PTPN4: variants seen among roughly 807,000 people sequenced by gnomAD.
The protein encoded by PTPN4 is tyrosine-protein phosphatase non-receptor type 4.
A neutral mutation model predicts 135.5 loss-of-function variants in PTPN4; 49 were observed. The observed-to-expected ratio is 0.36, with a 90% CI of 0.29 to 0.46. The LOEUF is 0.46. Ranked by LOEUF, PTPN4 falls within the 20% of genes least tolerant of loss-of-function variation. The probability of loss-of-function intolerance (pLI) is 1.00; values close to 1 mark genes in which losing one functional copy is unlikely to be tolerated. For synonymous variants in PTPN4, 333 were observed against 369.9 expected, an observed-to-expected ratio of 0.90 and a Z score of 1.14; for missense variants, 860 against 1,101.0, an observed-to-expected ratio of 0.78 and a Z score of 3.10.
rs1262816453 is a variant in PTPN4 at position 119,982,770 on chromosome 2, A to G, written c.*5700A>G. The stretch of plus-strand genomic sequence containing the variant: ...AGCCAGAAAACTGTGCCTAAGATTC[A>G]TTACAGTGAGTATGTGCAGAGGCCC... On this transcript the variant is annotated 3_prime_UTR_variant, in exon 27 of 27. Coordinates refer to ENST00000263708, the MANE Select transcript of PTPN4 (RefSeq NM_002830.4). 6.6e-6 allele frequency: 1 copy of G among 152,182 alleles called. No individual in the cohort carries two copies. Among genetic ancestry groups the G allele is most frequent in the Non-Finnish European group, 1.5e-5 (1 of 68,040 alleles). 9.4% of individuals were successfully genotyped at this position (152,182 alleles called of 1,614,324 possible).
At chr2:119,941,854 C>T (rs1679066420) in intron 15 of PTPN4, among the ~76,000 whole-genome samples, 1 of 152,108 alleles carries the variant, frequency 6.6e-6, no homozygotes, top group East Asian at 1.9e-4. Flanking sequence ...TTCTCAAATA[C>T]CTGTAGTCTT....
chr2:119,808,332 C>T (rs867845290), intron 1 of PTPN4, among the ~76,000 whole-genome samples: 5 of 152,164 alleles, frequency 3.3e-5, no homozygotes, highest in Admixed American at 1.3e-4. Flanking sequence ...AAAACCCCAT[C>T]ATCTCAGCCC....
chr2:119,800,462 T>C (rs1691341910), intron 1 of PTPN4, among the ~76,000 whole-genome samples: 1 of 151,782 alleles, frequency 6.6e-6, no homozygotes, highest in Non-Finnish European at 1.5e-5. Flanking sequence ...TTTTTACTGT[T>C]GAGTTCTGAG....
intron 3 of PTPN4, among the ~76,000 whole-genome samples, chr2:119,873,858 C>T (rs1677948848): frequency 6.6e-6 from 1 of 152,058 alleles, no homozygotes; most frequent in African/African-American, 2.4e-5. Context: ...GTGATATAAC[C>T]CCAATGCTCA....
intron 12 of PTPN4, among the ~76,000 whole-genome samples, chr2:119,922,502 G>C (rs1457460225): frequency 1.3e-5 from 2 of 152,164 alleles, no homozygotes; most frequent in Non-Finnish European, 2.9e-5. Flanking sequence ...CATTTCAAGT[G>C]TTAAGCCAGC....
intron 2 of PTPN4, among the ~76,000 whole-genome samples, chr2:119,827,804 T>C (rs1677166227): frequency 1.3e-5 from 2 of 152,218 alleles, no homozygotes; most frequent in South Asian, 4.1e-4. Context: ...GATTGTGTTT[T>C]TATAGGTTGT....
intron 14 of PTPN4, 93 bp downstream of exon 14, chr2:119,932,642 C>T (rs1678922912): frequency 7.3e-7 from 1 of 1,364,644 alleles, no homozygotes; most frequent in Non-Finnish European, 1.0e-6. Context: ...CAAAGATACG[C>T]AAAAATTGAA....
At chr2:119,802,566 C>A (rs1449854406) in intron 1 of PTPN4, among the ~76,000 whole-genome samples, 4 of 152,130 alleles carry the variant, frequency 2.6e-5, no homozygotes, top group Non-Finnish European at 4.4e-5. Context: ...TGAAATAAAA[C>A]CCCCTTGGTA....
rs1389607037 is a variant in PTPN4 at position 119,962,704 on chromosome 2, C to G, written c.2369C>G (p.Thr790Ser). ...ACCTGCCACTCTGAAGAAGGAAACA[C>G]TGCCTATATCTTCAGGAAGATGACC... ...QVTCHSEEGN[T>S]AYIFRKMTLF... Residue 790 changes from threonine to serine, a missense_variant, in exon 24 of 27, where the codon ACT (threonine) becomes AGT (serine). Around this residue, in one of 2 missense-constraint regions of PTPN4, gnomAD observed 176 missense variants for 294.1 expected, o/e 0.60. Transcript: ENST00000263708. 7 of 1,588,800 alleles carry G rather than the reference C, an allele frequency of 4.4e-6. No individual in the cohort carries two copies. Among genetic ancestry groups the G allele is most frequent in the Admixed American group, 3.4e-5 (2 of 59,032 alleles).
chr2:119,811,164 G>A (rs1331533741), intron 2 of PTPN4, among the ~76,000 whole-genome samples: 1 of 152,112 alleles, frequency 6.6e-6, no homozygotes, highest in Non-Finnish European at 1.5e-5. Context: ...AACCAACATG[G>A]CACATGTATA....
intron 1 of PTPN4, among the ~76,000 whole-genome samples, chr2:119,765,307 T>C (rs913441720): frequency 2.0e-5 from 3 of 152,220 alleles, no homozygotes; most frequent in Non-Finnish European, 2.9e-5. Flanking sequence ...TAGTTAAACA[T>C]TCAGGTGATA....
rs1456831398 is a variant in PTPN4, at chr2:119,981,388, C to T, written c.*4318C>T. ...TCTGACTACAATTGCTGGAATCATT[C>T]TTTTTGTGGTGCTTCCTCCAAGTGA... is the stretch of plus-strand genomic sequence containing the variant. On this transcript the variant is annotated 3_prime_UTR_variant, in exon 27 of 27. Transcript: ENST00000263708. 6.6e-6 allele frequency: 1 copy of T among 152,014 alleles called. No individual in the cohort carries two copies. The highest frequency in any genetic ancestry group is 1.5e-5 in the Non-Finnish European group (1 of 67,938). The allele number at this position is 152,014 out of a possible 1,614,324, so 9.4% of individuals were successfully genotyped here.
At chr2:119,799,295 A>G (rs1333076664) in intron 1 of PTPN4, among the ~76,000 whole-genome samples, 1 of 152,252 alleles carries the variant, frequency 6.6e-6, no homozygotes, top group Non-Finnish European at 1.5e-5. Context: ...GATTATTTCA[A>G]TGATGACTGC....
chr2:119,963,329 T>G (rs972151898), intron 24 of PTPN4, among the ~76,000 whole-genome samples: 2 of 152,146 alleles, frequency 1.3e-5, no homozygotes, highest in Non-Finnish European at 2.9e-5. Context: ...AGTATCCCAA[T>G]TGGAAGATGT....
chr2:119,977,906 G>A lies in PTPN4; in HGVS notation c.*836G>A, dbSNP rs1378982367. ...AGGTATATATGTATATTGTACATTC[G>A]TATATTTTTATGCATTTTGAATAAG... is the stretch of plus-strand genomic sequence containing the variant. On this transcript the variant is annotated 3_prime_UTR_variant, in exon 27 of 27. Transcript: ENST00000263708. 3.3e-5 allele frequency: 5 copies of A among 152,196 alleles called. No individual in the cohort carries two copies. The highest frequency in any genetic ancestry group is 4.1e-4 in the South Asian group (2 of 4,830). 9.4% of individuals were successfully genotyped at this position (152,196 alleles called of 1,614,324 possible). A position where few individuals can be genotyped will look rare whatever the true frequency, so the allele number is the denominator to read the frequency against.
intron 9 of PTPN4, among the ~76,000 whole-genome samples, chr2:119,892,803 C>G (rs899611949): frequency 2.0e-5 from 3 of 151,644 alleles, no homozygotes; most frequent in Non-Finnish European, 4.4e-5. Flanking sequence ...CTTACTGCAG[C>G]CTTGGTCTCT....
At chr2:119,920,354 C>A in intron 12 of PTPN4, 113 bp downstream of exon 12, 1 of 1,197,282 alleles carries the variant, frequency 8.4e-7, no homozygotes, top group African/African-American at 1.5e-5. Flanking sequence ...TTAACTGAGT[C>A]AAAAATCCCT....
chr2:119,906,492 G>A (rs1457719087), intron 10 of PTPN4, among the ~76,000 whole-genome samples: 1 of 152,184 alleles, frequency 6.6e-6, no homozygotes, highest in Non-Finnish European at 1.5e-5. Context: ...TTTCCAGGAT[G>A]CAAGGATAGT....
At chr2:119,805,450 C>A (rs1007706445) in intron 1 of PTPN4, among the ~76,000 whole-genome samples, 1 of 152,140 alleles carries the variant, frequency 6.6e-6, no homozygotes, top group Non-Finnish European at 1.5e-5. Context: ...TTTAATCCAT[C>A]TTGAATTAAT....
Sources: gnomAD v4.1 joint callset for allele counts (sites outside exome capture counted in the v4.1 genomes callset) on GRCh38, gnomAD v4.1.1 for gene constraint, gnomAD v4.1.1 regional missense constraint, MANE v1.5 for transcripts, NCBI Gene and HGNC (gene_info 2026-07-23, HGNC 2026-07-21) for gene names.